The following DHX29 variants were observed in gnomAD, a reference collection of about 807,000 sequenced individuals.
DHX29 encodes DExH-box helicase 29.
DHX29 carries 79 observed loss-of-function variants against 167.9 expected under a neutral mutation model. The observed-to-expected ratio is 0.47, with a 90% CI of 0.39 to 0.57. The LOEUF (loss-of-function observed/expected upper bound fraction) is 0.57, where lower values mean the gene tolerates loss of function less well. DHX29 is among the 20% of genes least tolerant of loss of function. DHX29 has a pLI of 0.00. For missense variants in DHX29, 1,347 were observed against 1,593.4 expected, an observed-to-expected ratio of 0.85 and a Z score of 2.63; for synonymous variants, 530 against 546.0, an observed-to-expected ratio of 0.97 and a Z score of 0.41.
chr5:55,258,390 T>A (rs1001428612), intron 26 of DHX29, among the ~76,000 whole-genome samples: 23 of 152,196 alleles, frequency 1.5e-4, no homozygotes, highest in Non-Finnish European at 2.6e-4. Flanking sequence ...ATTAACTGCA[T>A]TTAAAAATGG....
chr5:55,262,879 GGAAGATGAAAATCCT>G lies in DHX29; in HGVS notation c.3564_3578del (p.Gly1189_Ser1193del). 6.2e-7 allele frequency: 1 copy of G among 1,613,888 alleles called. No individual in the cohort carries two copies. ...TTCCTTCCCAGCTGGTAGAAGTTGTGGAAGATGAAAATCCTGCTGCCTTAACCAACTTTATTAACT... is the reference window on the plus strand; with the variant it reads ...TTCCTTCCCAGCTGGTAGAAGTTGTGGCTGCCTTAACCAACTTTATTAACT... On this transcript the variant is annotated inframe_deletion, in exon 24 of 27. Transcript: ENST00000251636.
intron 14 of DHX29, 42 bp downstream of exon 14, chr5:55,276,224 G>A (rs1747104752): frequency 6.7e-7 from 1 of 1,484,444 alleles, no homozygotes; most frequent in African/African-American, 1.4e-5. Context: ...GTTAGGCCCT[G>A]GATATCATTA....
chr5:55,289,795 A>G (rs539477960), intron 7 of DHX29, among the ~76,000 whole-genome samples: 51 of 152,338 alleles, frequency 3.3e-4, no homozygotes, highest in African/African-American at 1.2e-3. Context: ...ATGGTATAAA[A>G]ATCATAGGTT....
Position 55,290,530 on chromosome 5 carries a change from T to C in DHX29, c.781-186A>G, listed in dbSNP as rs1579804707. 2.0e-5 allele frequency among the ~76,000 whole-genome samples: 3 copies of C among 152,220 alleles called. No homozygotes were observed. The South Asian group carries it at 6.2e-4, about 31-fold the overall frequency. ...CACAGATTTGCAGGTGCATAGATGT[T>C]TGGTGAGGCACTGACTGTAAAAGAA... On this transcript the variant is annotated intron_variant, in intron 6 of 26. Coordinates refer to ENST00000251636, the MANE Select transcript of DHX29 (RefSeq NM_019030.4).
rs367948385 is a variant in DHX29 at position 55,274,427 on chromosome 5, T to C, written c.2690+187A>G. 1.3e-3 allele frequency among the ~76,000 whole-genome samples: 202 copies of C among 152,138 alleles called. 2 individuals are homozygous for C. The Middle Eastern group carries it at 0.024, about 18-fold the overall frequency. On this transcript the variant is annotated intron_variant, in intron 16 of 26. Coordinates refer to ENST00000251636, the MANE Select transcript of DHX29 (RefSeq NM_019030.4). Reference sequence around the variant, plus strand: ...AATAAAATGGAATAAATGCAGAATATAGTACCTAAAAATTTTTAGTAGATA... The same window carrying C: ...AATAAAATGGAATAAATGCAGAATACAGTACCTAAAAATTTTTAGTAGATA...
At chr5:55,307,236 A>C in intron 1 of DHX29, 151 bp downstream of exon 1, 1 of 667,110 alleles carries the variant, frequency 1.5e-6, no homozygotes, top group Non-Finnish European at 2.4e-6. Context: ...TTTTAATCTA[A>C]AACAAGGCCA....
chr5:55,270,500 G>GT lies in DHX29; in HGVS notation c.2994-14dup. On this transcript the variant is annotated splice_polypyrimidine_tract_variant and intron_variant, in intron 19 of 26. Transcript: ENST00000251636. ...AAAGCCTTCAAATCTGAAAAATAAA[G>GT]TAATACTAAATACATATTATCAGAA... 6.2e-7 allele frequency: 1 copy of GT among 1,613,042 alleles called. No homozygotes were observed. The highest frequency in any genetic ancestry group is 1.7e-4 in the Middle Eastern group (1 of 6,048).
intron 1 of DHX29, among the ~76,000 whole-genome samples, chr5:55,300,820 T>G (rs1369665745): frequency 6.6e-6 from 1 of 152,228 alleles, no homozygotes. Flanking sequence ...TATCTTAGTC[T>G]GCTCAGACTG....
chr5:55,280,192 C>T lies in DHX29; in HGVS notation c.2109+1180G>A, dbSNP rs188396534. ...TTCACTTCTAGGCTTTTTTTACTTGCTGTAGTGTCTAAGAGGTTGATGGCA... is the reference window on the plus strand; with the variant it reads ...TTCACTTCTAGGCTTTTTTTACTTGTTGTAGTGTCTAAGAGGTTGATGGCA... On this transcript the variant is annotated intron_variant, in intron 12 of 26. Transcript: ENST00000251636. Among the ~76,000 whole-genome samples, 54 of 152,098 alleles carry T rather than the reference C, an allele frequency of 3.6e-4. No individual in the cohort carries two copies. In the East Asian group the frequency reaches 9.8e-3, roughly 28 times the overall value.
intron 4 of DHX29, 87 bp from the exon 5 acceptor site, chr5:55,295,611 C>T (rs1748279686): frequency 7.1e-7 from 1 of 1,400,794 alleles, no homozygotes; most frequent in East Asian, 2.3e-5. Context: ...GTAAACCTTG[C>T]CTAGACTTAG....
chr5:55,270,571 G>A lies in DHX29; in HGVS notation c.2993+7C>T, dbSNP rs370774198. 3.4e-4 allele frequency: 551 copies of A among 1,613,988 alleles called. 1 individual carries two copies. The highest frequency in any genetic ancestry group is 4.9e-4 in the Middle Eastern group (3 of 6,082). On this transcript the variant is annotated splice_region_variant and intron_variant, in intron 19 of 26. Coordinates refer to ENST00000251636, the MANE Select transcript of DHX29 (RefSeq NM_019030.4). The stretch of plus-strand genomic sequence containing the variant: ...ATGTGTTTTACATTTCCAGTGCTAT[G>A]CCATACCTTTCTCTTGTGTACATTC...
intron 16 of DHX29, 59 bp downstream of exon 16, chr5:55,274,555 T>C (rs1579772044): frequency 4.7e-6 from 6 of 1,266,952 alleles, no homozygotes; most frequent in Non-Finnish European, 4.5e-6. Context: ...AGGGTTTTAA[T>C]GTACCAAATA....
chr5:55,291,313 G>C (rs576506622), intron 6 of DHX29, among the ~76,000 whole-genome samples: 19 of 152,160 alleles, frequency 1.2e-4, no homozygotes, highest in African/African-American at 4.3e-4. Context: ...GTTAAAAGAA[G>C]GAAAAAGAGA....
intron 17 of DHX29, 128 bp downstream of exon 17, chr5:55,273,165 C>A: frequency 1.1e-6 from 1 of 912,522 alleles, no homozygotes; most frequent in Non-Finnish European, 1.5e-6. Flanking sequence ...AGGTGCAGAA[C>A]ACTTGGAGTT....
intron 3 of DHX29, 57 bp from the exon 4 acceptor site, chr5:55,296,406 C>T: frequency 1.3e-6 from 2 of 1,527,902 alleles, no homozygotes; most frequent in Non-Finnish European, 1.8e-6. Context: ...TCCTGTGTTA[C>T]TAATTATCCC....
chr5:55,306,250 C>T (rs1748853099), intron 1 of DHX29, among the ~76,000 whole-genome samples: 1 of 152,148 alleles, frequency 6.6e-6, no homozygotes, highest in Non-Finnish European at 1.5e-5. Context: ...CATCCTTTGG[C>T]GATGCTTTAT....
intron 6 of DHX29, among the ~76,000 whole-genome samples, chr5:55,292,097 A>G (rs1748076630): frequency 6.6e-6 from 1 of 152,200 alleles, no homozygotes; most frequent in Admixed American, 6.5e-5. Flanking sequence ...AGGAACTACC[A>G]AACTGTTTTC....
intron 1 of DHX29, among the ~76,000 whole-genome samples, chr5:55,301,713 C>CAAAAAAAAAAAAAAAAAAAA (rs70992777): frequency 3.1e-5 from 2 of 64,738 alleles, no homozygotes; most frequent in African/African-American, 1.1e-4. Context: ...AACTCCATCT[C>CAAAAAAAAAAAAAAAAAAAA]AAAAAAAAAA....
chr5:55,306,801 T>C (rs537714142), intron 1 of DHX29, among the ~76,000 whole-genome samples: 37 of 152,322 alleles, frequency 2.4e-4, no homozygotes, highest in African/African-American at 8.9e-4. Flanking sequence ...GAATCGGCCA[T>C]CTATAAGTTG....
Sources: allele counts gnomAD v4.1 joint callset (sites outside exome capture counted in the v4.1 genomes callset), GRCh38; gene constraint gnomAD v4.1.1; transcripts MANE v1.5; gene names NCBI Gene and HGNC (gene_info 2026-07-23, HGNC 2026-07-21).